Variants in SGCZ observed in about 807,000 individuals in gnomAD.
The protein encoded by SGCZ is zeta-sarcoglycan.
In SGCZ, 40 loss-of-function variants were observed where a neutral mutation model predicts 41.3. The ratio of observed to expected loss-of-function variants is 0.97; its 90% confidence interval spans 0.75 to 1.26. The LOEUF (loss-of-function observed/expected upper bound fraction) is 1.26, where lower values mean the gene tolerates loss of function less well. Among genes scored for constraint, SGCZ ranks in the 50% most tolerant of loss-of-function variants. SGCZ has a pLI of 0.00. For missense variants in SGCZ, 552 were observed against 369.8 expected (o/e 1.49, Z -4.04); for synonymous variants, 206 against 137.5 (o/e 1.50, Z -3.49).
chr8:14,575,567 CAG>C (rs1258165899), intron 1 of SGCZ, among the ~76,000 whole-genome samples: 2 of 152,044 alleles, frequency 1.3e-5, no homozygotes, highest in Non-Finnish European at 2.9e-5. Flanking sequence ...TTTTCATTAA[CAG>C]AAAATGTGGT....
intron 1 of SGCZ, among the ~76,000 whole-genome samples, chr8:15,016,850 G>T (rs1803056005): frequency 6.6e-6 from 1 of 152,090 alleles, no homozygotes; most frequent in Non-Finnish European, 1.5e-5. Flanking sequence ...CAAAGGGAAT[G>T]AACAGCCATG....
chr8:15,093,143 C>T (rs1312893141), intron 1 of SGCZ, among the ~76,000 whole-genome samples: 19 of 152,174 alleles, frequency 1.2e-4, no homozygotes, highest in Admixed American at 1.2e-3. Context: ...AATGAAATCA[C>T]TTCTCTGTGA....
intron 1 of SGCZ, among the ~76,000 whole-genome samples, chr8:14,928,469 A>G (rs1585386904): frequency 1.3e-5 from 2 of 152,334 alleles, no homozygotes; most frequent in African/African-American, 4.8e-5. Flanking sequence ...AATAGGAAGT[A>G]TCTCACCAGA....
chr8:14,549,457 G>GA (rs2117173117), intron 2 of SGCZ, among the ~76,000 whole-genome samples: 1 of 152,086 alleles, frequency 6.6e-6, no homozygotes, highest in East Asian at 1.9e-4. Context: ...GAGAACAAGT[G>GA]AAAAAATTAA....
intron 1 of SGCZ, among the ~76,000 whole-genome samples, chr8:14,629,911 A>C (rs141507244): frequency 6.6e-6 from 1 of 152,248 alleles, no homozygotes; most frequent in African/African-American, 2.4e-5. Context: ...GCAAAGGCCT[A>C]AAGAGTGGTG....
At position 14,915,396 on chromosome 8, in the gene SGCZ, T is replaced by C. The variant is rs1456286263; in HGVS notation, c.39+322189A>G. On this transcript the variant is annotated intron_variant, in intron 1 of 7. Transcript: ENST00000382080. ...TCCTCGGTAAGACTTTTCTCTTTAA[T>C]GAAAAGCAGCCCCAAATCGTTTCCT... Among the ~76,000 whole-genome samples the C allele has an allele frequency of 2.6e-5, 4 of 152,098 alleles. No individual in the cohort carries two copies. The South Asian group carries it at 6.2e-4, about 24-fold the overall frequency.
chr8:14,405,162 C>T (rs1423514059), intron 2 of SGCZ, among the ~76,000 whole-genome samples: 1 of 152,232 alleles, frequency 6.6e-6, no homozygotes, highest in Non-Finnish European at 1.5e-5. Context: ...TTATCACCTT[C>T]TAACATTACT....
chr8:14,590,107 T>C (rs1786188148), intron 1 of SGCZ, among the ~76,000 whole-genome samples: 1 of 151,640 alleles, frequency 6.6e-6, no homozygotes, highest in Non-Finnish European at 1.5e-5. Flanking sequence ...TGTTCTTTGG[T>C]AAAAAAAAGA....
At chr8:14,426,351 G>A (rs1427350176) in intron 2 of SGCZ, among the ~76,000 whole-genome samples, 3 of 152,082 alleles carry the variant, frequency 2.0e-5, no homozygotes, top group Admixed American at 6.6e-5. Flanking sequence ...AAATAGGGTC[G>A]TGAGAGTATT....
At chr8:14,959,081 A>G (rs1800883636) in intron 1 of SGCZ, among the ~76,000 whole-genome samples, 1 of 152,116 alleles carries the variant, frequency 6.6e-6, no homozygotes, top group Non-Finnish European at 1.5e-5. Flanking sequence ...TACTGTATAA[A>G]CATTACCATC....
intron 1 of SGCZ, among the ~76,000 whole-genome samples, chr8:14,565,588 A>G (rs1005308816): frequency 4.6e-5 from 7 of 152,112 alleles, no homozygotes; most frequent in African/African-American, 7.2e-5. Context: ...CAGGGGAAGA[A>G]GGAAAAATCT....
At chr8:14,587,070 T>C (rs781002814) in intron 1 of SGCZ, among the ~76,000 whole-genome samples, 1 of 152,006 alleles carries the variant, frequency 6.6e-6, no homozygotes, top group Admixed American at 6.6e-5. Flanking sequence ...ATTCATTTAT[T>C]TTACAACCAA....
intron 2 of SGCZ, among the ~76,000 whole-genome samples, chr8:14,485,860 A>C (rs1262655526): frequency 1.9e-5 from 1 of 52,160 alleles, no homozygotes; most frequent in Admixed American, 2.8e-4. Context: ...TTTGAGACGG[A>C]GTCTCGCTCT....
At chr8:14,867,236 G>A (rs968753289) in intron 1 of SGCZ, among the ~76,000 whole-genome samples, 1 of 152,056 alleles carries the variant, frequency 6.6e-6, no homozygotes, top group South Asian at 2.1e-4. Context: ...GCCTGAAGTA[G>A]GATAATGGTC....
intron 1 of SGCZ, among the ~76,000 whole-genome samples, chr8:14,959,109 A>G (rs565342347): frequency 1.3e-5 from 2 of 152,290 alleles, no homozygotes; most frequent in African/African-American, 4.8e-5. Flanking sequence ...TACTTTAGAC[A>G]GATTTCAAAG....
intron 2 of SGCZ, among the ~76,000 whole-genome samples, chr8:14,540,527 T>A (rs960836017): frequency 1.3e-5 from 2 of 151,764 alleles, no homozygotes; most frequent in South Asian, 4.1e-4. Flanking sequence ...ATTCCCAGAT[T>A]TTGGGGGTTG....
intron 1 of SGCZ, among the ~76,000 whole-genome samples, chr8:14,768,641 G>A (rs534365649): frequency 5.3e-5 from 8 of 152,196 alleles, no homozygotes; most frequent in East Asian, 1.9e-4. Flanking sequence ...TAAGCTGCAC[G>A]TAGTCACCAT....
chr8:15,062,005 A>T (rs1804956376), intron 1 of SGCZ, among the ~76,000 whole-genome samples: 1 of 152,186 alleles, frequency 6.6e-6, no homozygotes, highest in Non-Finnish European at 1.5e-5. Flanking sequence ...ATTATCTATG[A>T]AAGAATTAGA....
intron 1 of SGCZ, among the ~76,000 whole-genome samples, chr8:14,814,816 T>C (rs879482522): frequency 5.3e-5 from 8 of 152,224 alleles, no homozygotes; most frequent in African/African-American, 4.8e-5. Flanking sequence ...CAGTACTTTT[T>C]CAGCCAACTA....
Sources: gnomAD v4.1 joint callset for allele counts (sites outside exome capture counted in the v4.1 genomes callset) on GRCh38, gnomAD v4.1.1 for gene constraint, MANE v1.5 for transcripts, NCBI Gene and HGNC (gene_info 2026-07-23, HGNC 2026-07-21) for gene names.